The following PRR16 variants were observed in gnomAD, a reference collection of about 807,000 sequenced individuals.
PRR16 encodes the protein proline rich 16.
PRR16 carries 6 observed loss-of-function variants against 18.2 expected under a neutral mutation model. That is an observed-to-expected ratio of 0.33 (90% confidence interval 0.18 to 0.65). The LOEUF is 0.65. Among genes scored for constraint, PRR16 ranks in the 30% least tolerant of loss-of-function variants. The pLI is 0.74. For synonymous variants in PRR16, 151 were observed against 147.8 expected, an observed-to-expected ratio of 1.02 and a Z score of -0.16; for missense variants, 412 against 376.6, an observed-to-expected ratio of 1.09 and a Z score of -0.78.
intron 1 of PRR16, among the ~76,000 whole-genome samples, chr5:120,662,379 T>A (rs1243189189): frequency 6.6e-6 from 1 of 152,154 alleles, no homozygotes; most frequent in Non-Finnish European, 1.5e-5. Flanking sequence ...ATGTCTATTC[T>A]CCATCTTACT....
At chr5:120,541,850 A>G (rs971355060) in intron 1 of PRR16, among the ~76,000 whole-genome samples, 8 of 152,138 alleles carry the variant, frequency 5.3e-5, no homozygotes, top group African/African-American at 9.7e-5. Context: ...CATTTCCTCC[A>G]GGATATCTTT....
chr5:120,734,903 A>G, the PRR16 span, among the ~76,000 whole-genome samples: 6 of 152,244 alleles, frequency 3.9e-5, no homozygotes, highest in African/African-American at 9.6e-5. Context: ...TATTTGTTGG[A>G]TGAATGAATA....
chr5:120,708,049 A>G, the PRR16 span, among the ~76,000 whole-genome samples: 1 of 152,246 alleles, frequency 6.6e-6, no homozygotes, highest in Non-Finnish European at 1.5e-5. Flanking sequence ...ACATGAAAAG[A>G]TAAATATTTT....
intron 1 of PRR16, chr5:120,658,453 G>A (rs776015762): frequency 2.0e-4 from 31 of 151,662 alleles, no homozygotes; most frequent in African/African-American, 5.3e-4. Flanking sequence ...GGAAATACTC[G>A]TGTTCACTAT....
intron 1 of PRR16, among the ~76,000 whole-genome samples, chr5:120,657,925 G>T (rs1343206703): frequency 6.6e-6 from 1 of 151,690 alleles, no homozygotes; most frequent in Non-Finnish European, 1.5e-5. Context: ...ATTCCTTTAG[G>T]GCATTTTCTA....
intron 1 of PRR16, among the ~76,000 whole-genome samples, chr5:120,529,726 T>C (rs1751483213): frequency 6.6e-6 from 1 of 152,128 alleles, no homozygotes; most frequent in Non-Finnish European, 1.5e-5. Flanking sequence ...GGACAAACTT[T>C]AGTAGTGACT....
At chr5:120,707,721 A>G in the PRR16 span, among the ~76,000 whole-genome samples, 1 of 152,236 alleles carries the variant, frequency 6.6e-6, no homozygotes, top group South Asian at 2.1e-4. Context: ...GAGTTAAGAC[A>G]CTATTTTTGA....
chr5:120,754,507 TA>T, the PRR16 span, among the ~76,000 whole-genome samples: 1 of 74,476 alleles, frequency 1.3e-5, no homozygotes, highest in Admixed American at 2.3e-4. Context: ...TTTTATTATG[TA>T]TATTATATAT....
chr5:120,506,014 C>G (rs17146687), intron 1 of PRR16, among the ~76,000 whole-genome samples: 11,074 of 149,728 alleles, frequency 0.074, 936 homozygotes, highest in African/African-American at 0.21. Context: ...ATCACATTTA[C>G]TTCATCATGT....
intron 1 of PRR16, among the ~76,000 whole-genome samples, chr5:120,511,806 C>G (rs889907054): frequency 6.6e-6 from 1 of 152,082 alleles, no homozygotes; most frequent in African/African-American, 2.4e-5. Context: ...AGTTTAGTGT[C>G]GAATAACAAG....
chr5:120,648,203 T>C (rs1459095169), intron 1 of PRR16, among the ~76,000 whole-genome samples: 1 of 152,146 alleles, frequency 6.6e-6, no homozygotes, highest in African/African-American at 2.4e-5. Context: ...ATTTTCAAAG[T>C]GGTGATACTT....
intron 1 of PRR16, among the ~76,000 whole-genome samples, chr5:120,525,855 A>T (rs1228962620): frequency 1.3e-5 from 2 of 152,176 alleles, no homozygotes; most frequent in African/African-American, 4.8e-5. Context: ...TTTTTTAATG[A>T]GGCAACAAAT....
chr5:120,686,157 C>T lies in PRR16; in HGVS notation c.363C>T (p.Asn121=). The T allele has an allele frequency of 8.1e-6, 13 of 1,614,150 alleles. No homozygotes were observed. The highest frequency in any genetic ancestry group is 1.1e-5 in the Non-Finnish European group (13 of 1,180,002). The part of the protein sequence containing the change: ...SAILTVLRKP[N]PPPPPPRLTP... Reference sequence around the variant, plus strand: ...TCCTCACGGTCCTGAGAAAGCCAAACCCTCCACCACCTCCTCCAAGGTTGA... The same window carrying T: ...TCCTCACGGTCCTGAGAAAGCCAAATCCTCCACCACCTCCTCCAAGGTTGA... The change falls in exon 2 of 2, where the codon AAC becomes AAT. Residue 121 remains asparagine (N), a synonymous_variant. Transcript: ENST00000407149.
chr5:120,694,589 C>T, the PRR16 span, among the ~76,000 whole-genome samples: 1 of 150,656 alleles, frequency 6.6e-6, no homozygotes, highest in Non-Finnish European at 1.5e-5. Context: ...GAGGCTGAGG[C>T]AGGAGAATGG....
intron 1 of PRR16, among the ~76,000 whole-genome samples, chr5:120,543,054 T>C (rs10069800): frequency 0.2 from 29,988 of 152,098 alleles, 3,092 homozygotes; most frequent in Non-Finnish European, 0.21. Flanking sequence ...TTTAAATAAT[T>C]CATCTGATTG....
At chr5:120,665,786 C>A (rs1257454105) in intron 1 of PRR16, among the ~76,000 whole-genome samples, 2 of 151,840 alleles carry the variant, frequency 1.3e-5, no homozygotes, top group Non-Finnish European at 2.9e-5. Context: ...GGCATTATTT[C>A]TGAGGTCTCT....
At chr5:120,604,767 G>A (rs979703920) in intron 1 of PRR16, among the ~76,000 whole-genome samples, 14 of 152,150 alleles carry the variant, frequency 9.2e-5, no homozygotes, top group Non-Finnish European at 2.9e-5. Flanking sequence ...GTCTGAAATG[G>A]ATTTTATTTC....
In PRR16 at chr5:120,686,464, T is replaced by C; in HGVS notation, c.670T>C (p.Tyr224His). 1 of 1,613,934 alleles carries C rather than the reference T, an allele frequency of 6.2e-7. No individual in the cohort carries two copies. The highest frequency in any genetic ancestry group is 1.1e-5 in the South Asian group (1 of 91,060). Residue 224 changes from tyrosine (Y) to histidine (H), a missense_variant, in exon 2 of 2, where the codon TAT (tyrosine) becomes CAT (histidine). Physicochemically the swap from Tyr to His is moderately conservative, Grantham distance 83 (BLOSUM62 2). Coordinates refer to ENST00000407149, the MANE Select transcript of PRR16 (RefSeq NM_001300783.2). ...HGYCPDCDTRYNIKNREVHLH... is the reference protein window; with the variant it reads ...HGYCPDCDTRHNIKNREVHLH... ...CTATTGTCCTGACTGTGATACCCGG[T>C]ATAACATAAAAAACAGGGAGGTCCA...
chr5:120,761,094 T>G, the PRR16 span, among the ~76,000 whole-genome samples: 1 of 148,290 alleles, frequency 6.7e-6, no homozygotes, highest in East Asian at 1.9e-4. Flanking sequence ...CATATAAAAT[T>G]TATTATTTTA....
Sources: allele counts gnomAD v4.1 joint callset (sites outside exome capture counted in the v4.1 genomes callset), GRCh38; gene constraint gnomAD v4.1.1; transcripts MANE v1.5; gene names NCBI Gene and HGNC (gene_info 2026-07-23, HGNC 2026-07-21).